Variants in TPST2 observed in about 807,000 individuals in gnomAD.
The protein encoded by TPST2 is protein-tyrosine sulfotransferase 2.
A neutral mutation model predicts 27.8 loss-of-function variants in TPST2; 16 were observed. The ratio of observed to expected loss-of-function variants is 0.58; its 90% confidence interval spans 0.39 to 0.88. The LOEUF is 0.88. TPST2 is among the 40% of genes least tolerant of loss of function. TPST2 has a pLI of 0.00. For synonymous variants in TPST2, 229 were observed against 231.7 expected, an observed-to-expected ratio of 0.99 and a Z score of 0.10; for missense variants, 464 against 543.1, an observed-to-expected ratio of 0.85 and a Z score of 1.45.
At chr22:26,550,837 C>A (rs1926430203) in intron 1 of TPST2, among the ~76,000 whole-genome samples, 1 of 152,184 alleles carries the variant, frequency 6.6e-6, no homozygotes, top group African/African-American at 2.4e-5. Context: ...CGGGGGGAAG[C>A]CAGCCAAGAA....
intron 1 of TPST2, chr22:26,555,199 A>G (rs1926722488): frequency 1.9e-6 from 1 of 533,810 alleles, no homozygotes; most frequent in African/African-American, 1.9e-5. Flanking sequence ...TCTGTGAAAC[A>G]CCGCTTAAGG....
intron 1 of TPST2, among the ~76,000 whole-genome samples, chr22:26,547,181 C>T (rs868431610): frequency 4.5e-4 from 68 of 152,158 alleles, no homozygotes; most frequent in African/African-American, 1.6e-3. Flanking sequence ...TTGACTTCCT[C>T]GAGCTCAAGC....
At position 26,567,516 on chromosome 22, in the gene TPST2, G is replaced by A. The variant is rs149197656; in HGVS notation, c.-161+22537C>T. 5.7e-3 allele frequency among the ~76,000 whole-genome samples: 868 copies of A among 152,330 alleles called. 6 individuals are homozygous for A. The highest frequency in any genetic ancestry group is 0.012 in the Admixed American group (180 of 15,306). On this transcript the variant is annotated intron_variant, in intron 1 of 6. Coordinates refer to ENST00000338754, the MANE Select transcript of TPST2 (RefSeq NM_003595.5). ...GTTCCATCTATACACCAGTCAATGAGCTAATATCCACAGGATTTAGAGAGG... is the reference window on the plus strand; with the variant it reads ...GTTCCATCTATACACCAGTCAATGAACTAATATCCACAGGATTTAGAGAGG...
intron 1 of TPST2, among the ~76,000 whole-genome samples, chr22:26,582,375 C>T (rs1392951851): frequency 2.0e-5 from 3 of 152,078 alleles, no homozygotes; most frequent in African/African-American, 7.3e-5. Context: ...TGCAGTGAGC[C>T]GAGGTTGTAC....
intron 1 of TPST2, among the ~76,000 whole-genome samples, chr22:26,549,534 G>A (rs1377382902): frequency 1.3e-5 from 2 of 151,550 alleles, no homozygotes; most frequent in Non-Finnish European, 2.9e-5. Flanking sequence ...GCGCGTGGCT[G>A]TAATCCCAGC....
chr22:26,552,750 CT>C (rs1157199466), intron 1 of TPST2, among the ~76,000 whole-genome samples: 1 of 152,138 alleles, frequency 6.6e-6, no homozygotes, highest in African/African-American at 2.4e-5. Context: ...TGCCAACCCC[CT>C]GGTCTATATC....
At chr22:26,532,871 C>T (rs1277112139) in intron 4 of TPST2, 126 bp from the exon 5 acceptor site, 3 of 801,918 alleles carry the variant, frequency 3.7e-6, no homozygotes, top group East Asian at 2.5e-5. Context: ...ATCCAACAAA[C>T]ATTGCTTAAG....
chr22:26,540,670 A>C, intron 3 of TPST2, 119 bp downstream of exon 3: 5 of 873,534 alleles, frequency 5.7e-6, no homozygotes, highest in East Asian at 5.5e-5. Context: ...GGAGGCTCAG[A>C]GAGATATAGT....
At chr22:26,558,120 TACACACACACAC>T (rs71192941) in intron 1 of TPST2, among the ~76,000 whole-genome samples, 1,461 of 141,412 alleles carry the variant, frequency 0.01, 21 homozygotes, top group African/African-American at 0.03. Flanking sequence ...ATATATATAA[TACACACACACAC>T]ACACACACAC....
At chr22:26,577,501 C>A (rs938897886) in intron 1 of TPST2, among the ~76,000 whole-genome samples, 1 of 151,832 alleles carries the variant, frequency 6.6e-6, no homozygotes, top group Non-Finnish European at 1.5e-5. Flanking sequence ...GTGTGTGCCA[C>A]CATGCCCAGC....
intron 1 of TPST2, among the ~76,000 whole-genome samples, chr22:26,583,938 C>T (rs998641982): frequency 7.2e-5 from 11 of 152,236 alleles, no homozygotes; most frequent in Non-Finnish European, 1.0e-4. Flanking sequence ...GCCGCACTTA[C>T]GTGACAATGG....
chr22:26,583,119 A>G lies in TPST2; in HGVS notation c.-161+6934T>C, dbSNP rs1208690857. On this transcript the variant is annotated intron_variant, in intron 1 of 6. Transcript: ENST00000338754. ...AGAGCGAGACTCCATCTCAAAAAGGAAAAAAAAAAAAAAAAAGAACAAAAC... is the reference window on the plus strand; with the variant it reads ...AGAGCGAGACTCCATCTCAAAAAGGGAAAAAAAAAAAAAAAAGAACAAAAC... Among the ~76,000 whole-genome samples, 20 of 90,340 alleles carry G rather than the reference A, an allele frequency of 2.2e-4. 1 individual carries two copies. The highest frequency in any genetic ancestry group is 4.1e-4 in the Non-Finnish European group (18 of 43,590). The allele number at this position is 90,340 out of a possible 152,430, so 59.3% of individuals were successfully genotyped here. A position where few individuals can be genotyped will look rare whatever the true frequency, so the allele number is the denominator to read the frequency against.
At chr22:26,560,723 G>C in intron 1 of TPST2, 1 of 1,088,714 alleles carries the variant, frequency 9.2e-7, no homozygotes, top group Non-Finnish European at 1.4e-6. Flanking sequence ...TGGCAAAGGC[G>C]GACAAGGCCC....
At chr22:26,558,120 TACACACAC>T (rs71192941) in intron 1 of TPST2, among the ~76,000 whole-genome samples, 13,101 of 141,294 alleles carry the variant, frequency 0.093, 725 homozygotes, top group East Asian at 0.19. Context: ...ATATATATAA[TACACACAC>T]ACACACACAC....
chr22:26,553,713 C>A lies in TPST2; in HGVS notation c.-160-9038G>T, dbSNP rs144479791. The stretch of plus-strand genomic sequence containing the variant: ...TCATAAGGGACTGATTACAGAATAT[C>A]CCTCGAATACCAGTATACATCAAGT... On this transcript the variant is annotated intron_variant, in intron 1 of 6. Transcript: ENST00000338754. 5.5e-3 allele frequency among the ~76,000 whole-genome samples: 832 copies of A among 151,276 alleles called. 8 individuals are homozygous for A. Among genetic ancestry groups the A allele is most frequent in the African/African-American group, 0.019 (779 of 41,332 alleles).
chr22:26,564,806 C>CT (rs894184626), intron 1 of TPST2, among the ~76,000 whole-genome samples: 43 of 152,246 alleles, frequency 2.8e-4, no homozygotes, highest in African/African-American at 1.0e-3. Context: ...TGATCGAACA[C>CT]TGAGTTATAG....
At chr22:26,585,941 G>C (rs561491432) in intron 1 of TPST2, among the ~76,000 whole-genome samples, 1 of 152,132 alleles carries the variant, frequency 6.6e-6, no homozygotes, top group East Asian at 1.9e-4. Flanking sequence ...TACTCGGGAG[G>C]CTGAGGCAGG....
At position 26,523,169 on chromosome 22, in the gene TPST2, A is replaced by C. The variant is rs1489453900; in HGVS notation, c.*3106T>G. 6.7e-6 allele frequency: 1 copy of C among 149,870 alleles called. No individual in the cohort carries two copies. Among genetic ancestry groups the C allele is most frequent in the Non-Finnish European group, 1.5e-5 (1 of 67,368 alleles). 9.3% of individuals were successfully genotyped at this position (149,870 alleles called of 1,614,324 possible). On this transcript the variant is annotated 3_prime_UTR_variant, in exon 7 of 7. Transcript: ENST00000338754. ...GTGCCACTGCACTGCAGCCTGAGCA[A>C]CCAAGCGGGACTCTGTCTCCAAAAC...
intron 1 of TPST2, among the ~76,000 whole-genome samples, chr22:26,580,020 G>A (rs1928034617): frequency 6.6e-6 from 1 of 152,066 alleles, no homozygotes; most frequent in South Asian, 2.1e-4. Flanking sequence ...TGAGGCAGGT[G>A]GATTGCTTGA....
Sources: gnomAD v4.1 joint callset for allele counts (sites outside exome capture counted in the v4.1 genomes callset) on GRCh38, gnomAD v4.1.1 for gene constraint, MANE v1.5 for transcripts, NCBI Gene and HGNC (gene_info 2026-07-23, HGNC 2026-07-21) for gene names.